Variants in PCDHGA10 observed in about 807,000 individuals in gnomAD.
The protein encoded by PCDHGA10 is protocadherin gamma subfamily A, 10.
Under a neutral mutation model 59.5 loss-of-function variants are expected in PCDHGA10, and 42 were observed. That is an observed-to-expected ratio of 0.71 (90% CI 0.55 to 0.91). The LOEUF is 0.91. PCDHGA10 is among the 40% of genes least tolerant of loss of function. The pLI, the probability that PCDHGA10 is intolerant of heterozygous loss-of-function variation, is 0.00. For missense variants in PCDHGA10, 1,111 were observed against 1,198.2 expected (o/e 0.93, Z 1.07); for synonymous variants, 511 against 517.2 (o/e 0.99, Z 0.16).
chr5:141,489,260 CACA>C lies in PCDHGA10; in HGVS notation c.2437-5546_2437-5544del, dbSNP rs1242559724. 1 of 1,552,022 alleles carries C rather than the reference CACA, an allele frequency of 6.4e-7. No individual in the cohort carries two copies. Among genetic ancestry groups the C allele is most frequent in the Non-Finnish European group, 8.7e-7 (1 of 1,149,038 alleles). ...TGGGTCATGGGGCCCAAGACACTCCCACAGCTCGCTGGGAAATGGCAAGTGCTG... is the reference window on the plus strand; with the variant it reads ...TGGGTCATGGGGCCCAAGACACTCCCGCTCGCTGGGAAATGGCAAGTGCTG... On this transcript the variant is annotated intron_variant, in intron 1 of 3. Coordinates refer to ENST00000398610, the MANE Select transcript of PCDHGA10 (RefSeq NM_018913.3). The surrounding 1 kb of genome is among the most constrained non-coding windows in gnomAD (Gnocchi z 4.5).
At position 141,494,824 on chromosome 5, in the gene PCDHGA10, G is replaced by C; in HGVS notation, c.2454G>C (p.Thr818=). 6.2e-7 allele frequency: 1 copy of C among 1,614,042 alleles called. No individual in the cohort carries two copies. Among genetic ancestry groups the C allele is most frequent in the East Asian group, 2.2e-5 (1 of 44,866 alleles). The change falls in exon 2 of 4, where the codon ACG becomes ACC. Residue 818 remains threonine, a synonymous_variant. Transcript: ENST00000398610. The part of the protein sequence containing the change: ...TPLVPQAPPN[T]DWRFSQAQRP... ...CTCCACAGCAAGCCCCGCCCAACAC[G>C]GACTGGCGTTTCTCTCAGGCCCAGA...
chr5:141,478,489 C>T (rs779457709), intron 1 of PCDHGA10: 99 of 1,613,162 alleles, frequency 6.1e-5, no homozygotes, highest in Non-Finnish European at 8.1e-5. Context: ...CGCTGCGGAG[C>T]TGTGATCCGG....
intron 1 of PCDHGA10, chr5:141,441,971 G>A: frequency 3.3e-6 from 1 of 298,820 alleles, no homozygotes; most frequent in Non-Finnish European, 6.5e-6. Flanking sequence ...AGGCTCTTCA[G>A]CCTGGAATGC....
In PCDHGA10 at chr5:141,511,346, C is replaced by T; in HGVS notation, c.*173C>T. 7.1e-7 allele frequency: 1 copy of T among 1,400,168 alleles called. No homozygotes were observed. The allele number at this position is 1,400,168 out of a possible 1,614,324, so 86.7% of individuals were successfully genotyped here. A position where few individuals can be genotyped will look rare whatever the true frequency, so the allele number is the denominator to read the frequency against. On this transcript the variant is annotated 3_prime_UTR_variant, in exon 4 of 4. Transcript: ENST00000398610. ...AGTGCCCAGTCAGCACCTACCCCTT[C>T]CCCCCCAGGGGGTTGAATATGCAAA...
At chr5:141,506,865 G>T (rs1403350484) in intron 3 of PCDHGA10, among the ~76,000 whole-genome samples, 1 of 152,186 alleles carries the variant, frequency 6.6e-6, no homozygotes, top group African/African-American at 2.4e-5. Flanking sequence ...GGACTGGTGG[G>T]TAGAGAACCA....
chr5:141,463,874 G>T (rs1311566242), intron 1 of PCDHGA10, among the ~76,000 whole-genome samples: 1 of 152,136 alleles, frequency 6.6e-6, no homozygotes, highest in Non-Finnish European at 1.5e-5. Flanking sequence ...TGACTGAAAG[G>T]AAAAGTTTTC....
Position 141,487,323 on chromosome 5 carries a change from G to T in PCDHGA10, c.2437-7484G>T. The T allele has an allele frequency of 6.2e-7, 1 of 1,614,100 alleles. No homozygotes were observed. The highest frequency in any genetic ancestry group is 8.5e-7 in the Non-Finnish European group (1 of 1,180,004). On this transcript the variant is annotated intron_variant, in intron 1 of 3. Coordinates refer to ENST00000398610, the MANE Select transcript of PCDHGA10 (RefSeq NM_018913.3). This position sits in a 1 kb window ranked among gnomAD's most constrained non-coding sequence, Gnocchi z 5.0. ...GTGGCACTACTCTCTAAGTGTCTTC[G>T]TGGGGCAGCCTGTGGAGTCACATGC... is the stretch of plus-strand genomic sequence containing the variant.
intron 1 of PCDHGA10, among the ~76,000 whole-genome samples, chr5:141,465,279 C>T (rs975247599): frequency 3.3e-5 from 5 of 152,028 alleles, no homozygotes; most frequent in South Asian, 2.1e-4. Flanking sequence ...TTTAGTTCAC[C>T]CCTAAAGAAC....
At chr5:141,457,116 C>T (rs933634563) in intron 1 of PCDHGA10, among the ~76,000 whole-genome samples, 5 of 152,176 alleles carry the variant, frequency 3.3e-5, no homozygotes, top group Non-Finnish European at 7.3e-5. Flanking sequence ...AATACGACAG[C>T]AATGGAAACT....
At chr5:141,438,633 TATACAC>T (rs1275936248) in intron 1 of PCDHGA10, among the ~76,000 whole-genome samples, 1,035 of 33,718 alleles carry the variant, frequency 0.031, 6 homozygotes, top group African/African-American at 0.063. Context: ...TATATATATA[TATACAC>T]ACACACACAC....
chr5:141,494,316 G>T (rs2099753509), intron 1 of PCDHGA10, among the ~76,000 whole-genome samples: 1 of 152,172 alleles, frequency 6.6e-6, no homozygotes, highest in Admixed American at 6.5e-5. Flanking sequence ...TGCACAACCT[G>T]GCACCAAAAG....
Position 141,486,276 on chromosome 5 carries a change from T to C in PCDHGA10, c.2437-8531T>C. The C allele has an allele frequency of 1.2e-6, 2 of 1,613,980 alleles. No homozygotes were observed. The highest frequency in any genetic ancestry group is 1.7e-6 in the Non-Finnish European group (2 of 1,179,974). On this transcript the variant is annotated intron_variant, in intron 1 of 3. Coordinates refer to ENST00000398610, the MANE Select transcript of PCDHGA10 (RefSeq NM_018913.3). The surrounding 1 kb of genome is among the most constrained non-coding windows in gnomAD (Gnocchi z 5.0). ...CCCGAGAGTGCAGAACCTGGCACTG[T>C]GGTGGCACTTATCAGTGTGCAGGAT...
chr5:141,414,597 C>G lies in PCDHGA10; in HGVS notation c.1422C>G (p.Ser474=). The change falls in exon 1 of 4, where the codon TCC becomes TCG. Residue 474 remains serine (S), a synonymous_variant. Coordinates refer to ENST00000398610, the MANE Select transcript of PCDHGA10 (RefSeq NM_018913.3). ...CAGAGAACAACGCCAGGGGTGCCTCCATCTTCTCAGTGACAGCGCTGGACC... is the reference window on the plus strand; with the variant it reads ...CAGAGAACAACGCCAGGGGTGCCTCGATCTTCTCAGTGACAGCGCTGGACC... ...YIPENNARGA[S]IFSVTALDPD... 1 of 1,613,972 alleles carries G rather than the reference C, an allele frequency of 6.2e-7. No homozygotes were observed. The highest frequency in any genetic ancestry group is 1.1e-5 in the South Asian group (1 of 91,084).
rs113341686 is a variant in PCDHGA10, at chr5:141,488,763, G to A, written c.2437-6044G>A. Among the ~76,000 whole-genome samples the A allele has an allele frequency of 6.6e-4, 101 of 152,264 alleles. 1 individual carries two copies. The highest frequency in any genetic ancestry group is 1.7e-3 in the African/African-American group (69 of 41,544). ...ATGCAGGAAGTTGCTGGGACAGAACGCTGAGGAGTTTTGTATCACTTTGTC... is the reference window on the plus strand; with the variant it reads ...ATGCAGGAAGTTGCTGGGACAGAACACTGAGGAGTTTTGTATCACTTTGTC... On this transcript the variant is annotated intron_variant, in intron 1 of 3. Coordinates refer to ENST00000398610, the MANE Select transcript of PCDHGA10 (RefSeq NM_018913.3).
Position 141,491,383 on chromosome 5 carries a change from A to C in PCDHGA10, c.2437-3424A>C. The C allele has an allele frequency of 6.2e-7, 1 of 1,614,036 alleles. No individual in the cohort carries two copies. The highest frequency in any genetic ancestry group is 8.5e-7 in the Non-Finnish European group (1 of 1,179,962). ...AGTCACCTTCACCTTTCTGTCAGCG[A>C]AGTGCCTTCAGGGAAACGCAGACGG... On this transcript the variant is annotated intron_variant, in intron 1 of 3. Transcript: ENST00000398610. This position sits in a 1 kb window ranked among gnomAD's most constrained non-coding sequence, Gnocchi z 6.9.
intron 1 of PCDHGA10, among the ~76,000 whole-genome samples, chr5:141,438,613 TATATATATATATATATATATATACAC>T (rs1192023297): frequency 0.026 from 946 of 36,486 alleles, 27 homozygotes; most frequent in African/African-American, 0.12. Flanking sequence ...TATATATATA[TATATATATATATATATATATATACAC>T]ACACACACAC....
At chr5:141,506,668 C>A (rs2099855518) in intron 3 of PCDHGA10, among the ~76,000 whole-genome samples, 1 of 152,100 alleles carries the variant, frequency 6.6e-6, no homozygotes, top group Admixed American at 6.6e-5. Context: ...AGTAAGGGCA[C>A]AATATATTAT....
At position 141,487,249 on chromosome 5, in the gene PCDHGA10, C is replaced by T. The variant is rs757148469; in HGVS notation, c.2437-7558C>T. ...AAGGAGAATCTCGTCTAACCCTCTACTTGGCTGTGTCCCTAGTGGCAATTT... is the reference window on the plus strand; with the variant it reads ...AAGGAGAATCTCGTCTAACCCTCTATTTGGCTGTGTCCCTAGTGGCAATTT... On this transcript the variant is annotated intron_variant, in intron 1 of 3. Coordinates refer to ENST00000398610, the MANE Select transcript of PCDHGA10 (RefSeq NM_018913.3). The surrounding 1 kb of genome is among the most constrained non-coding windows in gnomAD (Gnocchi z 5.0). 2.5e-6 allele frequency: 4 copies of T among 1,614,164 alleles called. No homozygotes were observed. In the South Asian group the frequency reaches 4.4e-5, roughly 18 times the overall value.
intron 1 of PCDHGA10, chr5:141,492,036 T>A: frequency 1.9e-6 from 1 of 536,866 alleles, no homozygotes; most frequent in Non-Finnish European, 3.2e-6. Flanking sequence ...GAGGAGGCAG[T>A]CACAGATCCA....
Sources: allele counts gnomAD v4.1 joint callset (sites outside exome capture counted in the v4.1 genomes callset), GRCh38; gene constraint gnomAD v4.1.1; non-coding constraint Gnocchi (gnomAD v3.1); transcripts MANE v1.5; gene names NCBI Gene and HGNC (gene_info 2026-07-23, HGNC 2026-07-21).